PUM1: variants seen among roughly 807,000 people sequenced by gnomAD.
PUM1 encodes the protein pumilio RNA binding family member 1.
Under a neutral mutation model 131.8 loss-of-function variants are expected in PUM1, and 13 were observed. That is an observed-to-expected ratio of 0.10 (90% confidence interval 0.06 to 0.16). The LOEUF is 0.16. PUM1 is among the 10% of genes least tolerant of loss of function. The probability of loss-of-function intolerance (pLI) is 1.00; values close to 1 mark genes in which losing one functional copy is unlikely to be tolerated. For synonymous variants in PUM1, 509 were observed against 556.5 expected (o/e 0.91, Z 1.20); for missense variants, 961 against 1,512.4 (o/e 0.64, Z 6.05).
chr1:30,952,207 C>A, intron 16 of PUM1, 27 bp downstream of exon 16: 1 of 1,608,660 alleles, frequency 6.2e-7, no homozygotes, highest in Non-Finnish European at 8.5e-7. Context: ...TCTCTTAAGT[C>A]AAAGGATAGA....
intron 21 of PUM1, among the ~76,000 whole-genome samples, chr1:30,933,689 G>A (rs996721792): frequency 1.5e-4 from 23 of 152,234 alleles, no homozygotes; most frequent in African/African-American, 4.1e-4. Context: ...CCCACTACCC[G>A]CCAGCTGCAC....
At chr1:30,966,795 G>A (rs1264377844) in intron 12 of PUM1, among the ~76,000 whole-genome samples, 1 of 151,942 alleles carries the variant, frequency 6.6e-6, no homozygotes, top group African/African-American at 2.4e-5. Context: ...TCTTTCCCAC[G>A]TCCTCCACTC....
chr1:31,009,776 A>ACAAAAAC (rs1553150230), intron 3 of PUM1, among the ~76,000 whole-genome samples: 1 of 62,170 alleles, frequency 1.6e-5, no homozygotes. Flanking sequence ...TCAAAAAAAA[A>ACAAAAAC]AAAAAAAAAA....
At chr1:30,989,264 G>A (rs1480189122) in intron 7 of PUM1, among the ~76,000 whole-genome samples, 1 of 151,968 alleles carries the variant, frequency 6.6e-6, no homozygotes, top group Non-Finnish European at 1.5e-5. Context: ...AGTCTTTCAA[G>A]GCACAGCTAA....
intron 4 of PUM1, among the ~76,000 whole-genome samples, 179 bp downstream of exon 4, chr1:31,006,815 T>G (rs904736942): frequency 4.6e-5 from 7 of 152,230 alleles, no homozygotes; most frequent in Admixed American, 6.5e-5. Flanking sequence ...TATGATTTTG[T>G]GTTAATTATG....
rs750181111 is a variant in PUM1, at chr1:30,942,052, G to T, written c.3066C>A (p.Asp1022Glu). 4.4e-6 allele frequency: 7 copies of T among 1,602,626 alleles called. No individual in the cohort carries two copies. The South Asian group carries it at 7.7e-5, about 18-fold the overall frequency. Residue 1022 changes from aspartate (D) to glutamate (E), a missense_variant, in exon 19 of 22, where the codon GAC becomes GAA. Around this residue, in one of 4 missense-constraint regions of PUM1, gnomAD observed 178 missense variants for 327.5 expected, o/e 0.54. Coordinates refer to ENST00000426105, the MANE Select transcript of PUM1 (RefSeq NM_001020658.2). The part of the protein sequence containing the change: ...IQRILEHCLP[D>E]QTLPILEELH... The stretch of plus-strand genomic sequence containing the variant: ...GCTCCTCTAAAATAGGGAGTGTCTG[G>T]TCAGGGAGACAGTGCTCCAGGATTC...
rs879343889 is a variant in PUM1 at position 31,038,985 on chromosome 1, T to TATATATATATA, written c.364-10122_364-10121insTATATATATAT. On this transcript the variant is annotated intron_variant, in intron 2 of 21. Coordinates refer to ENST00000426105, the MANE Select transcript of PUM1 (RefSeq NM_001020658.2). ...ATATATATATATATATATATATATA[T>TATATATATATA]TTTTTTTTTTTTTTTCCTTTTCTCT... is the stretch of plus-strand genomic sequence containing the variant. 5.1e-3 allele frequency among the ~76,000 whole-genome samples: 168 copies of TATATATATATA among 32,940 alleles called. 1 individual carries two copies. The highest frequency in any genetic ancestry group is 6.0e-3 in the Admixed American group (15 of 2,520). 21.6% of individuals were successfully genotyped at this position (32,940 alleles called of 152,430 possible).
chr1:31,055,219 T>C, intron 2 of PUM1: 1 of 398,294 alleles, frequency 2.5e-6, no homozygotes, highest in Non-Finnish European at 5.0e-6. Flanking sequence ...TCTTCAATTA[T>C]GCTACCCTTA....
intron 1 of PUM1, among the ~76,000 whole-genome samples, chr1:31,062,225 A>C (rs1322363419): frequency 6.6e-6 from 1 of 152,206 alleles, no homozygotes; most frequent in Non-Finnish European, 1.5e-5. Flanking sequence ...AGACCAACAA[A>C]GAATCCCTCA....
At chr1:31,029,618 T>C (rs139138828) in intron 2 of PUM1, among the ~76,000 whole-genome samples, 11 of 152,330 alleles carry the variant, frequency 7.2e-5, no homozygotes, top group Non-Finnish European at 4.4e-5. Context: ...TCTTCTTTGT[T>C]ATGAGCAGCA....
chr1:30,938,507 C>T (rs1263169383), intron 20 of PUM1, among the ~76,000 whole-genome samples: 2 of 152,138 alleles, frequency 1.3e-5, no homozygotes, highest in East Asian at 3.9e-4. Flanking sequence ...CCTGCCTTGG[C>T]CTCCCAAAGT....
intron 9 of PUM1, among the ~76,000 whole-genome samples, chr1:30,978,119 C>T (rs563191060): frequency 6.6e-6 from 1 of 152,214 alleles, no homozygotes; most frequent in Middle Eastern, 3.4e-3. Context: ...GTGGTGGGTG[C>T]CTGTAGTCCC....
At chr1:31,033,895 C>T (rs1316483036) in intron 2 of PUM1, among the ~76,000 whole-genome samples, 1 of 152,108 alleles carries the variant, frequency 6.6e-6, no homozygotes, top group Non-Finnish European at 1.5e-5. Context: ...ATCCTCCCGC[C>T]TTCTAAAGTG....
chr1:30,990,896 A>C (rs899458900), intron 7 of PUM1, among the ~76,000 whole-genome samples: 4 of 152,240 alleles, frequency 2.6e-5, no homozygotes, highest in African/African-American at 9.6e-5. Flanking sequence ...TATATTTTTG[A>C]ATAAGTGGTA....
At chr1:30,955,133 A>G (rs1298802670) in intron 14 of PUM1, among the ~76,000 whole-genome samples, 1 of 151,914 alleles carries the variant, frequency 6.6e-6, no homozygotes, top group Non-Finnish European at 1.5e-5. Flanking sequence ...ACAGTATAGC[A>G]GCATAATAAA....
At chr1:31,023,908 G>A (rs965344485) in intron 3 of PUM1, among the ~76,000 whole-genome samples, 1 of 132,316 alleles carries the variant, frequency 7.6e-6, no homozygotes, top group Non-Finnish European at 1.5e-5. Flanking sequence ...CCTGGTGACA[G>A]AGCGAGACTC....
chr1:31,000,926 C>T (rs956057371), intron 5 of PUM1, among the ~76,000 whole-genome samples: 1 of 151,830 alleles, frequency 6.6e-6, no homozygotes, highest in African/African-American at 2.4e-5. Flanking sequence ...GTGGCTCACG[C>T]CTGTAATCCC....
intron 17 of PUM1, among the ~76,000 whole-genome samples, chr1:30,945,786 TTTTA>T (rs1389823654): frequency 3.9e-5 from 6 of 152,124 alleles, no homozygotes; most frequent in Non-Finnish European, 8.8e-5. Flanking sequence ...GCTTTTGTGT[TTTTA>T]TTTTATTTTT....
intron 2 of PUM1, among the ~76,000 whole-genome samples, chr1:31,037,532 A>G (rs1643651780): frequency 6.6e-6 from 1 of 151,996 alleles, no homozygotes; most frequent in Non-Finnish European, 1.5e-5. Flanking sequence ...CAGCCTGGCC[A>G]ACATGGTGAA....
Sources: allele counts gnomAD v4.1 joint callset (sites outside exome capture counted in the v4.1 genomes callset), GRCh38; gene constraint gnomAD v4.1.1; regional missense constraint gnomAD v4.1.1; transcripts MANE v1.5; gene names NCBI Gene and HGNC (gene_info 2026-07-23, HGNC 2026-07-21).